The following TUBA4B variants were observed in gnomAD, a reference collection of about 807,000 sequenced individuals.
The protein encoded by TUBA4B is tubulin alpha 4b.
In TUBA4B, 13 loss-of-function variants were observed where a neutral mutation model predicts 18.4. The ratio of observed to expected loss-of-function variants is 0.71; its 90% CI spans 0.46 to 1.12. TUBA4B has a LOEUF of 1.12. Ranked by LOEUF, TUBA4B falls within the 50% of genes most tolerant of loss-of-function variation. The pLI is 0.00. For missense variants in TUBA4B, 244 were observed against 250.0 expected, an observed-to-expected ratio of 0.98 and a Z score of 0.16; for synonymous variants, 101 against 99.1, an observed-to-expected ratio of 1.02 and a Z score of -0.11.
chr2:219,258,053 C>A (rs1951733575), intron 1 of TUBA4B, among the ~76,000 whole-genome samples: 1 of 133,178 alleles, frequency 7.5e-6, no homozygotes, highest in Non-Finnish European at 1.5e-5. Context: ...GTAGTGTGAT[C>A]TCAGCTCACA....
chr2:219,256,039 C>A (rs1032535449), intron 1 of TUBA4B, among the ~76,000 whole-genome samples: 1 of 152,164 alleles, frequency 6.6e-6, no homozygotes, highest in Admixed American at 6.5e-5. Flanking sequence ...AAGAAAGGAG[C>A]CGTGGTGACT....
At chr2:219,256,895 C>A (rs1472858798) in intron 1 of TUBA4B, among the ~76,000 whole-genome samples, 1 of 151,926 alleles carries the variant, frequency 6.6e-6, no homozygotes, top group East Asian at 1.9e-4. Flanking sequence ...TGATTGTTGG[C>A]TTTGAAGAGG....
chr2:219,265,464 G>A (rs1047771593), intron 1 of TUBA4B, among the ~76,000 whole-genome samples: 5 of 152,028 alleles, frequency 3.3e-5, no homozygotes, highest in Non-Finnish European at 7.4e-5. Context: ...TGGTGAAACC[G>A]TGTCTCTACT....
Position 219,253,566 on chromosome 2 carries a change from G to C in TUBA4B, c.12+147G>C, listed in dbSNP as rs1951684727. The C allele has an allele frequency of 5.2e-6, 4 of 766,536 alleles. No homozygotes were observed. The South Asian group carries it at 6.3e-5, about 12-fold the overall frequency. The allele number at this position is 766,536 out of a possible 1,614,324, so 47.5% of individuals were successfully genotyped here. On this transcript the variant is annotated intron_variant, in intron 1 of 3. Transcript: ENST00000490341. ...CGCGGGCCCGCGTGACTCTCATACA[G>C]AGTCGGGACACAAATGCTCGTAAGG...
chr2:219,271,919 G>T lies in TUBA4B; in HGVS notation c.*220G>T, dbSNP rs1032699404. On this transcript the variant is annotated 3_prime_UTR_variant, in exon 4 of 4. Transcript: ENST00000490341. ...GTAAAGTGCAACGTGCCATGTGCAT[G>T]CTGAGCAACATGACAGCCATCACTA... 3.9e-5 allele frequency: 56 copies of T among 1,447,024 alleles called. No homozygotes were observed. Among genetic ancestry groups the T allele is most frequent in the Non-Finnish European group, 5.3e-5 (55 of 1,028,210 alleles). The allele number at this position is 1,447,024 out of a possible 1,614,324, so 89.6% of individuals were successfully genotyped here.
chr2:219,255,463 C>T (rs748722400), intron 1 of TUBA4B, among the ~76,000 whole-genome samples: 1 of 152,118 alleles, frequency 6.6e-6, no homozygotes, highest in Non-Finnish European at 1.5e-5. Flanking sequence ...CAACTCCTGA[C>T]CTTAGATGAT....
At position 219,253,256 on chromosome 2, in the gene TUBA4B, C is replaced by G. The variant is rs2125071237; in HGVS notation, c.-152C>G. On this transcript the variant is annotated 5_prime_UTR_variant, in exon 1 of 4. Transcript: ENST00000490341. The stretch of plus-strand genomic sequence containing the variant: ...TCAGCGCCAGCTGTCTCTGCCCATC[C>G]GCGCACCCGGGCTTCGGCTGGAGAG... 9 of 1,493,180 alleles carry G rather than the reference C, an allele frequency of 6.0e-6. No individual in the cohort carries two copies. The South Asian group carries it at 7.9e-5, about 13-fold the overall frequency. The allele number at this position is 1,493,180 out of a possible 1,614,324, so 92.5% of individuals were successfully genotyped here.
chr2:219,256,133 A>G (rs535642831), intron 1 of TUBA4B, among the ~76,000 whole-genome samples: 16 of 152,324 alleles, frequency 1.1e-4, no homozygotes, highest in African/African-American at 3.8e-4. Context: ...TGAACATAGT[A>G]AGAGACTTGA....
In TUBA4B at chr2:219,267,770, G is replaced by A. The variant is rs553304529; in HGVS notation, c.58+1204G>A. 7.9e-5 allele frequency among the ~76,000 whole-genome samples: 12 copies of A among 152,210 alleles called. 1 individual carries two copies. The South Asian group carries it at 2.1e-3, about 26-fold the overall frequency. The stretch of plus-strand genomic sequence containing the variant: ...AGTAGAGACAAGGTTTCACTATGTT[G>A]GCCAGGATGGTCTCAATCGCCTGAC... On this transcript the variant is annotated intron_variant, in intron 2 of 3. Coordinates refer to ENST00000490341, the MANE Select transcript of TUBA4B (RefSeq NM_001355221.1).
intron 1 of TUBA4B, among the ~76,000 whole-genome samples, chr2:219,258,163 G>A (rs935823324): frequency 5.9e-5 from 9 of 151,474 alleles, no homozygotes; most frequent in African/African-American, 2.2e-4. Context: ...GCTAATTTTT[G>A]TAGTTTTAGT....
At chr2:219,253,950 C>CGGG (rs3051654) in intron 1 of TUBA4B, 7 of 509,200 alleles carry the variant, frequency 1.4e-5, no homozygotes, top group African/African-American at 8.3e-5. Flanking sequence ...CCCTTATAGG[C>CGGG]GGGGGGGGGG....
intron 1 of TUBA4B, among the ~76,000 whole-genome samples, chr2:219,257,845 T>C (rs1427545454): frequency 1.3e-5 from 2 of 150,706 alleles, no homozygotes; most frequent in Admixed American, 6.6e-5. Flanking sequence ...ACACACACTA[T>C]ATATATATAT....
chr2:219,269,791 T>C (rs1458677469), intron 2 of TUBA4B, among the ~76,000 whole-genome samples: 1 of 152,010 alleles, frequency 6.6e-6, no homozygotes, highest in Non-Finnish European at 1.5e-5. Flanking sequence ...TTAGTGAAAC[T>C]GGGGCTGGGA....
At chr2:219,270,540 G>A (rs1367849011) in intron 3 of TUBA4B, among the ~76,000 whole-genome samples, 2 of 152,186 alleles carry the variant, frequency 1.3e-5, no homozygotes, top group Non-Finnish European at 2.9e-5. Context: ...TATCTCCGAA[G>A]TGGCTGGCCT....
chr2:219,260,900 C>T (rs1951755779), intron 1 of TUBA4B, among the ~76,000 whole-genome samples: 1 of 151,880 alleles, frequency 6.6e-6, no homozygotes, highest in Admixed American at 6.6e-5. Flanking sequence ...TTGAAGGAGG[C>T]GAAGGTTGCA....
intron 1 of TUBA4B, among the ~76,000 whole-genome samples, chr2:219,258,441 C>A (rs1340130328): frequency 6.6e-6 from 1 of 151,932 alleles, no homozygotes; most frequent in Non-Finnish European, 1.5e-5. Context: ...CCACCACAGT[C>A]TCCTGAGTAG....
At chr2:219,254,872 A>G (rs1334899080) in intron 1 of TUBA4B, among the ~76,000 whole-genome samples, 1 of 152,214 alleles carries the variant, frequency 6.6e-6, no homozygotes, top group Non-Finnish European at 1.5e-5. Flanking sequence ...CGAGATTCTC[A>G]TATCTTGGAT....
chr2:219,254,934 C>G (rs1325747728), intron 1 of TUBA4B, among the ~76,000 whole-genome samples: 2 of 152,190 alleles, frequency 1.3e-5, no homozygotes, highest in African/African-American at 4.8e-5. Context: ...GGATCTGCAA[C>G]CCGCACCTTA....
intron 1 of TUBA4B, among the ~76,000 whole-genome samples, chr2:219,256,035 G>A (rs1951717040): frequency 2.0e-5 from 3 of 152,194 alleles, no homozygotes; most frequent in African/African-American, 2.4e-5. Flanking sequence ...TACAAAGAAA[G>A]GAGCCGTGGT....
Sources: allele counts gnomAD v4.1 joint callset (sites outside exome capture counted in the v4.1 genomes callset), GRCh38; gene constraint gnomAD v4.1.1; transcripts MANE v1.5; gene names NCBI Gene and HGNC (gene_info 2026-07-23, HGNC 2026-07-21).